Variants in ADAM10 observed in about 807,000 individuals in gnomAD.
ADAM10 encodes disintegrin and metalloproteinase domain-containing protein 10.
ADAM10 carries 17 observed loss-of-function variants against 90.1 expected under a neutral mutation model. That is an observed-to-expected ratio of 0.19 (90% CI 0.13 to 0.28). The LOEUF (loss-of-function observed/expected upper bound fraction) is 0.28. Among genes scored for constraint, ADAM10 ranks in the 10% least tolerant of loss-of-function variants. The pLI, the probability that ADAM10 is intolerant of heterozygous loss-of-function variation, is 1.00. For synonymous variants in ADAM10, 310 were observed against 298.6 expected, an observed-to-expected ratio of 1.04 and a Z score of -0.40; for missense variants, 610 against 914.3, an observed-to-expected ratio of 0.67 and a Z score of 4.29.
intron 5 of ADAM10, among the ~76,000 whole-genome samples, chr15:58,655,708 ATAGTATATATATATATATATAT>A: frequency 1.5e-5 from 1 of 67,404 alleles, no homozygotes. Flanking sequence ...ATATATATAT[ATAGTATATATATATATATATAT>A]ATATATATAT....
At chr15:58,608,839 T>TA (rs1378235813) in intron 14 of ADAM10, among the ~76,000 whole-genome samples, 3 of 151,926 alleles carry the variant, frequency 2.0e-5, no homozygotes, top group South Asian at 2.1e-4. Context: ...CAGAGAAAAG[T>TA]AAAAAAATGC....
Position 58,611,835 on chromosome 15 carries a change from A to G in ADAM10, c.1668T>C (p.Asn556=). 6.2e-7 allele frequency: 1 copy of G among 1,614,186 alleles called. No homozygotes were observed. Among genetic ancestry groups the G allele is most frequent in the Non-Finnish European group, 8.5e-7 (1 of 1,180,034 alleles). The change falls in exon 12 of 16, where the codon AAT becomes AAC. Residue 556 remains asparagine (N), a synonymous_variant. Transcript: ENST00000260408. The stretch of plus-strand genomic sequence containing the variant: ...CATTAATGCACACTTGTGTATGCCT[A>G]TTACAGTCTGTGAAGTTTGGTTTAG... ...SDPKPNFTDC[N]RHTQVCINGQ...
intron 13 of ADAM10, 182 bp from the exon 14 acceptor site, chr15:58,610,699 T>A: frequency 1.4e-6 from 1 of 694,076 alleles, no homozygotes; most frequent in Non-Finnish European, 2.5e-6. Context: ...AATGTTACAA[T>A]GTAAACAAGC....
chr15:58,679,725 C>T (rs938827746), intron 3 of ADAM10, among the ~76,000 whole-genome samples: 4 of 151,920 alleles, frequency 2.6e-5, no homozygotes, highest in African/African-American at 7.3e-5. Flanking sequence ...GCTAACATAG[C>T]GAAACCCTGT....
rs922767053 is a variant in ADAM10 at position 58,597,585 on chromosome 15, G to A, written c.2209C>T (p.Pro737Ser). ...QPIQQPQRQR[P>S]RESYQMGHMR... ...TGTCCCATTTGATAACTCTCTCGGG[G>A]CCGCTGACGCTGGGGTTGCTGAATG... The change falls in exon 16 of 16, where the codon CCC becomes TCC. Residue 737 changes from proline (P) to serine (S), a missense_variant. Pro to Ser is a moderately conservative substitution (Grantham distance 74). Around this residue, in one of 4 missense-constraint regions of ADAM10, gnomAD observed 150 missense variants for 268.5 expected, o/e 0.56. Transcript: ENST00000260408. 1.6e-5 allele frequency: 26 copies of A among 1,614,018 alleles called. No homozygotes were observed. The African/African-American group carries it at 3.2e-4, about 20-fold the overall frequency.
At chr15:58,673,294 T>C (rs1424681744) in intron 4 of ADAM10, among the ~76,000 whole-genome samples, 1 of 151,864 alleles carries the variant, frequency 6.6e-6, no homozygotes, top group Non-Finnish European at 1.5e-5. Context: ...AAATGAGTTA[T>C]ATATGGAGAT....
chr15:58,610,635 G>T (rs912743863), intron 13 of ADAM10, 118 bp from the exon 14 acceptor site: 4 of 964,726 alleles, frequency 4.1e-6, no homozygotes, highest in Admixed American at 4.0e-5. Flanking sequence ...ACCATAACAT[G>T]TTATACAGAC....
Position 58,738,867 on chromosome 15 carries a change from A to G in ADAM10, c.55+10613T>C, listed in dbSNP as rs375178935. Among the ~76,000 whole-genome samples, 9 of 152,252 alleles carry G rather than the reference A, an allele frequency of 5.9e-5. No homozygotes were observed. In the East Asian group the frequency reaches 1.2e-3, roughly 20 times the overall value. On this transcript the variant is annotated intron_variant, in intron 1 of 15. Coordinates refer to ENST00000260408, the MANE Select transcript of ADAM10 (RefSeq NM_001110.4). Reference sequence around the variant, plus strand: ...TATTGAATCTTTTATACAATTTCTAATAAGACACAAGTACAGACAGTAATA... The same window carrying G: ...TATTGAATCTTTTATACAATTTCTAGTAAGACACAAGTACAGACAGTAATA...
chr15:58,661,572 G>GT (rs1164562458), intron 5 of ADAM10, among the ~76,000 whole-genome samples: 4 of 152,050 alleles, frequency 2.6e-5, no homozygotes, highest in Non-Finnish European at 4.4e-5. Flanking sequence ...TGCTTTTATG[G>GT]TTTTTTATGA....
chr15:58,709,474 C>G (rs1344393875), intron 2 of ADAM10, among the ~76,000 whole-genome samples: 1 of 152,200 alleles, frequency 6.6e-6, no homozygotes, highest in Non-Finnish European at 1.5e-5. Flanking sequence ...CACGGTGACT[C>G]ACGCCTGTAA....
At chr15:58,659,712 T>C (rs1475331061) in intron 5 of ADAM10, among the ~76,000 whole-genome samples, 1 of 152,138 alleles carries the variant, frequency 6.6e-6, no homozygotes, top group Non-Finnish European at 1.5e-5. Context: ...ACTGCCCTCA[T>C]AAAATGTGTT....
intron 1 of ADAM10, among the ~76,000 whole-genome samples, chr15:58,726,341 G>A (rs1392145080): frequency 6.6e-6 from 1 of 151,932 alleles, no homozygotes; most frequent in Non-Finnish European, 1.5e-5. Context: ...AAGGCGGGTG[G>A]ATCACTTGAA....
chr15:58,617,356 T>C (rs1190623298), intron 11 of ADAM10, among the ~76,000 whole-genome samples: 1 of 151,992 alleles, frequency 6.6e-6, no homozygotes, highest in Admixed American at 6.5e-5. Flanking sequence ...CCTGGACACA[T>C]ACAACTTACC....
chr15:58,747,626 T>C (rs1899834199), intron 1 of ADAM10: 1 of 152,198 alleles, frequency 6.6e-6, no homozygotes, highest in African/African-American at 2.4e-5. Flanking sequence ...TTGATACTAA[T>C]TTTAAAATAA....
At chr15:58,722,789 T>G (rs1595656852) in intron 1 of ADAM10, among the ~76,000 whole-genome samples, 1 of 146,476 alleles carries the variant, frequency 6.8e-6, no homozygotes, top group Non-Finnish European at 1.5e-5. Flanking sequence ...TGGAGTGCAG[T>G]AGCACTATCA....
intron 2 of ADAM10, among the ~76,000 whole-genome samples, chr15:58,684,676 G>C (rs1341352959): frequency 6.6e-6 from 1 of 152,160 alleles, no homozygotes; most frequent in Admixed American, 6.5e-5. Context: ...TAATAAACCA[G>C]CAAGAGTAAG....
chr15:58,687,518 C>A (rs1407965259), intron 2 of ADAM10, among the ~76,000 whole-genome samples: 1 of 150,926 alleles, frequency 6.6e-6, no homozygotes, highest in Non-Finnish European at 1.5e-5. Context: ...TAGAAGGATA[C>A]ATTATTTGTG....
intron 9 of ADAM10, among the ~76,000 whole-genome samples, chr15:58,629,891 C>CATCCTCCCCGACCTTAGCTTCTT (rs1566973040): frequency 6.6e-6 from 1 of 152,000 alleles, no homozygotes; most frequent in Non-Finnish European, 1.5e-5. Flanking sequence ...CTTAGCTTCT[C>CATCCTCCCCGACCTTAGCTTCTT]GAGTAGCTGG....
intron 4 of ADAM10, among the ~76,000 whole-genome samples, chr15:58,673,105 G>C (rs1238170941): frequency 6.6e-6 from 1 of 152,092 alleles, no homozygotes; most frequent in African/African-American, 2.4e-5. Flanking sequence ...GCCCATCCTT[G>C]ACAGTCAGTT....
Sources: gnomAD v4.1 joint callset for allele counts (sites outside exome capture counted in the v4.1 genomes callset) on GRCh38, gnomAD v4.1.1 for gene constraint, gnomAD v4.1.1 regional missense constraint, MANE v1.5 for transcripts, NCBI Gene and HGNC (gene_info 2026-07-23, HGNC 2026-07-21) for gene names.